The following PCDH9 variants were observed in gnomAD, a reference collection of about 807,000 sequenced individuals.
The protein encoded by PCDH9 is protocadherin 9.
PCDH9 carries 24 observed loss-of-function variants against 70.6 expected under a neutral mutation model. The observed-to-expected ratio is 0.34, with a 90% CI of 0.25 to 0.48. The LOEUF (loss-of-function observed/expected upper bound fraction) is 0.48. Ranked by LOEUF, PCDH9 falls within the 20% of genes least tolerant of loss-of-function variation. The pLI is 0.99. For missense variants in PCDH9, 1,281 were observed against 1,503.6 expected (o/e 0.85, Z 2.45); for synonymous variants, 562 against 558.5 (o/e 1.01, Z -0.09).
intron 2 of PCDH9, among the ~76,000 whole-genome samples, chr13:67,025,354 A>C (rs1054877370): frequency 3.3e-5 from 5 of 152,182 alleles, no homozygotes; most frequent in African/African-American, 1.2e-4. Flanking sequence ...GTGAATGTTC[A>C]AGAAAAATGA....
chr13:66,531,236 A>G (rs1960440800), intron 4 of PCDH9, among the ~76,000 whole-genome samples: 1 of 152,060 alleles, frequency 6.6e-6, no homozygotes, highest in South Asian at 2.1e-4. Flanking sequence ...AAGACAAATG[A>G]GAACTCTCCG....
chr13:66,872,627 A>T (rs1295189796), intron 3 of PCDH9, among the ~76,000 whole-genome samples: 1 of 152,144 alleles, frequency 6.6e-6, no homozygotes, highest in South Asian at 2.1e-4. Flanking sequence ...ACATTATTTC[A>T]TATCTTTCAT....
chr13:66,736,847 C>G (rs1216552338), intron 3 of PCDH9, among the ~76,000 whole-genome samples: 1 of 152,186 alleles, frequency 6.6e-6, no homozygotes, highest in Non-Finnish European at 1.5e-5. Flanking sequence ...GAAACTAGCT[C>G]TCTTCATAAA....
intron 3 of PCDH9, among the ~76,000 whole-genome samples, chr13:66,678,564 CTGAG>C (rs1008168650): frequency 1.1e-4 from 16 of 151,996 alleles, no homozygotes; most frequent in African/African-American, 3.6e-4. Context: ...TTCAGAGTGA[CTGAG>C]TAACTAAATA....
intron 3 of PCDH9, among the ~76,000 whole-genome samples, chr13:66,823,202 G>GA (rs960325379): frequency 4.0e-4 from 60 of 151,752 alleles, no homozygotes; most frequent in Non-Finnish European, 7.7e-4. Flanking sequence ...AGGCCAAACA[G>GA]AAAAAAAGCA....
rs35996132 is a variant in PCDH9 at position 66,427,135 on chromosome 13, C to CT, written c.3341-122108dup. On this transcript the variant is annotated intron_variant, in intron 4 of 4. Coordinates refer to ENST00000377865, the MANE Select transcript of PCDH9 (RefSeq NM_203487.3). ...TGAAACAACATTAAATATCAAGCTA[C>CT]TTTTTTTAAAGTTATAAAAATAGAG... is the stretch of plus-strand genomic sequence containing the variant. Among the ~76,000 whole-genome samples the CT allele has an allele frequency of 5.9e-5, 9 of 151,494 alleles. No homozygotes were observed. The East Asian group carries it at 1.5e-3, about 26-fold the overall frequency.
At chr13:66,413,319 C>A (rs1353459437) in intron 4 of PCDH9, among the ~76,000 whole-genome samples, 2 of 152,094 alleles carry the variant, frequency 1.3e-5, no homozygotes, top group African/African-American at 2.4e-5. Context: ...TCTCCCTATA[C>A]CCACATGGCA....
intron 4 of PCDH9, among the ~76,000 whole-genome samples, chr13:66,494,060 G>A (rs576024281): frequency 6.6e-6 from 1 of 152,078 alleles, no homozygotes; most frequent in South Asian, 2.1e-4. Flanking sequence ...ATTTATCAAT[G>A]GGGAAATAAA....
chr13:66,755,805 C>A (rs1045161980), intron 3 of PCDH9, among the ~76,000 whole-genome samples: 1 of 151,944 alleles, frequency 6.6e-6, no homozygotes, highest in Non-Finnish European at 1.5e-5. Flanking sequence ...TGGAATAGAA[C>A]AAAGAAAAAA....
intron 2 of PCDH9, among the ~76,000 whole-genome samples, chr13:67,073,033 C>T (rs1228634124): frequency 6.6e-6 from 1 of 152,152 alleles, no homozygotes; most frequent in Non-Finnish European, 1.5e-5. Context: ...TATACAACCA[C>T]ATTTAAACAT....
chr13:66,846,137 A>AAC (rs68136033), intron 3 of PCDH9, among the ~76,000 whole-genome samples: 2 of 20,558 alleles, frequency 9.7e-5, no homozygotes, highest in Non-Finnish European at 1.6e-4. Context: ...AAAAAAGACC[A>AAC]AAAAAAAAAA....
At chr13:66,532,560 T>G (rs1299600887) in intron 4 of PCDH9, among the ~76,000 whole-genome samples, 8 of 152,154 alleles carry the variant, frequency 5.3e-5, no homozygotes, top group Non-Finnish European at 1.2e-4. Context: ...TTGCTTTGTT[T>G]TGTGATGTAG....
At chr13:67,032,596 C>T (rs1372317308) in intron 2 of PCDH9, among the ~76,000 whole-genome samples, 1 of 152,166 alleles carries the variant, frequency 6.6e-6, no homozygotes, top group African/African-American at 2.4e-5. Flanking sequence ...CTAAGGTGCA[C>T]ATGCAAAACC....
rs946790782 is a variant in PCDH9, at chr13:67,070,623, T to C, written c.3036+154782A>G. Among the ~76,000 whole-genome samples the C allele has an allele frequency of 2.6e-5, 4 of 152,152 alleles. No individual in the cohort carries two copies. The South Asian group carries it at 8.3e-4, about 31-fold the overall frequency. ...TTCCTGTTTCATCTAAGCATTGCAATTCCCACTGATTAAATTATACAGAGG... is the reference window on the plus strand; with the variant it reads ...TTCCTGTTTCATCTAAGCATTGCAACTCCCACTGATTAAATTATACAGAGG... On this transcript the variant is annotated intron_variant, in intron 2 of 4. Coordinates refer to ENST00000377865, the MANE Select transcript of PCDH9 (RefSeq NM_203487.3).
intron 4 of PCDH9, among the ~76,000 whole-genome samples, chr13:66,607,053 G>T (rs967999753): frequency 6.6e-6 from 1 of 151,868 alleles, no homozygotes; most frequent in African/African-American, 2.4e-5. Flanking sequence ...GGCTTTCAGA[G>T]GTTCTATTAA....
intron 3 of PCDH9, among the ~76,000 whole-genome samples, chr13:66,893,006 T>C (rs2082120475): frequency 6.6e-6 from 1 of 152,288 alleles, no homozygotes; most frequent in Admixed American, 6.5e-5. Context: ...CATAGGATCA[T>C]GCGTGACCTA....
At chr13:66,870,947 A>C (rs2081667078) in intron 3 of PCDH9, among the ~76,000 whole-genome samples, 2 of 152,208 alleles carry the variant, frequency 1.3e-5, no homozygotes, top group East Asian at 3.8e-4. Flanking sequence ...ACTTATGTTT[A>C]CTGCGGCACT....
chr13:66,929,292 ATT>A (rs1225399703), intron 2 of PCDH9, among the ~76,000 whole-genome samples: 2 of 150,994 alleles, frequency 1.3e-5, no homozygotes, highest in African/African-American at 4.9e-5. Context: ...AACTTGTGAC[ATT>A]ATTTTTTTAT....
At chr13:66,468,935 G>A (rs1228089989) in intron 4 of PCDH9, among the ~76,000 whole-genome samples, 1 of 152,004 alleles carries the variant, frequency 6.6e-6, no homozygotes, top group Admixed American at 6.6e-5. Flanking sequence ...AAATAAATTT[G>A]GCCAAAATAT....
Sources: gnomAD v4.1 joint callset for allele counts (sites outside exome capture counted in the v4.1 genomes callset) on GRCh38, gnomAD v4.1.1 for gene constraint, MANE v1.5 for transcripts, NCBI Gene and HGNC (gene_info 2026-07-23, HGNC 2026-07-21) for gene names.